Variants in CDH13 observed in about 807,000 individuals in gnomAD.
CDH13 encodes cadherin-13.
Under a neutral mutation model 63.8 loss-of-function variants are expected in CDH13, and 24 were observed. That is an observed-to-expected ratio of 0.38 (90% CI 0.27 to 0.53). CDH13 has a LOEUF of 0.53. CDH13 is among the 20% of genes least tolerant of loss of function. The pLI is 0.85. For synonymous variants in CDH13, 503 were observed against 355.3 expected, an observed-to-expected ratio of 1.42 and a Z score of -4.67; for missense variants, 1,049 against 903.1, an observed-to-expected ratio of 1.16 and a Z score of -2.07.
At chr16:83,308,249 T>C (rs1567580339) in intron 5 of CDH13, among the ~76,000 whole-genome samples, 1 of 152,214 alleles carries the variant, frequency 6.6e-6, no homozygotes, top group Non-Finnish European at 1.5e-5. Context: ...TCCAAACATA[T>C]ATTTTGTGCT....
intron 10 of CDH13, among the ~76,000 whole-genome samples, chr16:83,704,079 C>T (rs112582155): frequency 6.6e-6 from 1 of 152,188 alleles, no homozygotes; most frequent in Non-Finnish European, 1.5e-5. Context: ...TCACCTCACA[C>T]CCATCCCTAA....
intron 2 of CDH13, among the ~76,000 whole-genome samples, chr16:83,007,004 A>G (rs1037173693): frequency 4.6e-5 from 7 of 150,832 alleles, no homozygotes; most frequent in East Asian, 2.0e-4. Flanking sequence ...GCTCATCACA[A>G]CCTCTGCCTC....
chr16:82,768,054 G>A (rs560513112), intron 1 of CDH13, among the ~76,000 whole-genome samples: 12 of 152,294 alleles, frequency 7.9e-5, no homozygotes, highest in African/African-American at 2.6e-4. Context: ...GTTCAAGAGG[G>A]AGGAGTAAAG....
chr16:83,773,823 G>C (rs1315325025), intron 11 of CDH13, among the ~76,000 whole-genome samples: 1 of 152,168 alleles, frequency 6.6e-6, no homozygotes, highest in Non-Finnish European at 1.5e-5. Context: ...CTGAGCCACA[G>C]GCTCCAACAC....
chr16:82,974,691 G>T lies in CDH13; in HGVS notation c.158-57319G>T, dbSNP rs187206797. On this transcript the variant is annotated intron_variant, in intron 2 of 13. Transcript: ENST00000567109. Reference sequence around the variant, plus strand: ...GAAAAAGGAGGAGGCAGAAGATCCAGAGTTGGAGAGAGATTTAAAGATGCT... The same window carrying T: ...GAAAAAGGAGGAGGCAGAAGATCCATAGTTGGAGAGAGATTTAAAGATGCT... Among the ~76,000 whole-genome samples the T allele has an allele frequency of 3.9e-5, 6 of 152,304 alleles. No individual in the cohort carries two copies. In the East Asian group the frequency reaches 1.2e-3, roughly 29 times the overall value.
intron 2 of CDH13, among the ~76,000 whole-genome samples, chr16:82,985,171 C>T (rs894040667): frequency 4.6e-5 from 7 of 151,648 alleles, no homozygotes; most frequent in African/African-American, 1.7e-4. Flanking sequence ...TACTTTAATC[C>T]TAATGTATTT....
chr16:83,420,809 C>T (rs114190100), intron 6 of CDH13, among the ~76,000 whole-genome samples: 2,564 of 152,180 alleles, frequency 0.017, 84 homozygotes, highest in African/African-American at 0.058. Flanking sequence ...GCCAAAGGCC[C>T]GAGAGCTCCT....
chr16:83,500,311 TCTCCTTCTC>T (rs1567715335), intron 7 of CDH13, among the ~76,000 whole-genome samples: 24 of 1,026 alleles, frequency 0.023, 7 homozygotes, highest in Middle Eastern at 0.25. Flanking sequence ...TCCTTCTCCT[TCTCCTTCTC>T]CTCCTCCTCC....
chr16:83,181,028 A>T, intron 4 of CDH13: 6 of 1,508,518 alleles, frequency 4.0e-6, no homozygotes, highest in Non-Finnish European at 5.3e-6. Flanking sequence ...TCCCACTAGC[A>T]CTCGGTATTT....
At chr16:83,475,856 A>T (rs1034287808) in intron 6 of CDH13, among the ~76,000 whole-genome samples, 2 of 152,272 alleles carry the variant, frequency 1.3e-5, no homozygotes, top group African/African-American at 4.8e-5. Flanking sequence ...AAGTGATGGG[A>T]TTACAGGCAT....
At chr16:83,116,598 A>C (rs2035308284) in intron 3 of CDH13, among the ~76,000 whole-genome samples, 1 of 152,218 alleles carries the variant, frequency 6.6e-6, no homozygotes, top group Non-Finnish European at 1.5e-5. Context: ...AGAAAAGACA[A>C]ACATATACAG....
chr16:82,729,375 G>A (rs1215611075), intron 1 of CDH13, among the ~76,000 whole-genome samples: 1 of 152,108 alleles, frequency 6.6e-6, no homozygotes, highest in East Asian at 1.9e-4. Context: ...TAGATCCATG[G>A]GCTGCGCAAT....
intron 6 of CDH13, among the ~76,000 whole-genome samples, chr16:83,386,097 G>C (rs1233585325): frequency 6.6e-6 from 1 of 152,200 alleles, no homozygotes. Context: ...ACCTCATAGG[G>C]TTGTGTGGAT....
chr16:83,261,379 G>T (rs1331639082), intron 5 of CDH13, among the ~76,000 whole-genome samples: 1 of 152,204 alleles, frequency 6.6e-6, no homozygotes. Flanking sequence ...AACTGGCAGT[G>T]TCTGGATGAA....
chr16:83,105,029 C>T (rs67972857), intron 3 of CDH13, among the ~76,000 whole-genome samples: 21,050 of 151,852 alleles, frequency 0.14, 1,576 homozygotes, highest in African/African-American at 0.2. Flanking sequence ...TTTTAAGTTC[C>T]GGGGTACACG....
chr16:83,557,048 G>A (rs2075618513), intron 7 of CDH13, among the ~76,000 whole-genome samples: 2 of 152,200 alleles, frequency 1.3e-5, no homozygotes. Flanking sequence ...CTTCATCTGT[G>A]TTTACAGGCA....
chr16:83,021,674 G>A (rs1009330880), intron 2 of CDH13, among the ~76,000 whole-genome samples: 1 of 152,196 alleles, frequency 6.6e-6, no homozygotes, highest in African/African-American at 2.4e-5. Context: ...TGGAACTGAA[G>A]CATGGAATGG....
intron 3 of CDH13, among the ~76,000 whole-genome samples, chr16:83,100,560 G>A (rs975049587): frequency 1.1e-4 from 17 of 152,286 alleles, no homozygotes; most frequent in African/African-American, 4.1e-4. Context: ...GTGCTCCTAG[G>A]TGGAAAACAA....
chr16:83,587,680 C>G (rs1906302113), intron 7 of CDH13, among the ~76,000 whole-genome samples: 1 of 152,176 alleles, frequency 6.6e-6, no homozygotes, highest in South Asian at 2.1e-4. Context: ...CCACACAGAT[C>G]ATTTAATAAC....
Sources: gnomAD v4.1 joint callset for allele counts (sites outside exome capture counted in the v4.1 genomes callset) on GRCh38, gnomAD v4.1.1 for gene constraint, MANE v1.5 for transcripts, NCBI Gene and HGNC (gene_info 2026-07-23, HGNC 2026-07-21) for gene names.